SLC12A6: variants seen among roughly 807,000 people sequenced by gnomAD.
SLC12A6 encodes K-Cl cotransporter 3.
In SLC12A6, 66 loss-of-function variants were observed where a neutral mutation model predicts 135.3. The observed-to-expected ratio is 0.49, with a 90% CI of 0.40 to 0.60. SLC12A6 has a LOEUF of 0.60. SLC12A6 is among the 20% of genes least tolerant of loss of function. The pLI is 0.00. For synonymous variants in SLC12A6, 513 were observed against 508.8 expected (o/e 1.01, Z -0.11); for missense variants, 1,058 against 1,452.3 (o/e 0.73, Z 4.41).
At chr15:34,313,607 C>T (rs915612772) in intron 2 of SLC12A6, among the ~76,000 whole-genome samples, 6 of 152,196 alleles carry the variant, frequency 3.9e-5, no homozygotes, top group African/African-American at 1.4e-4. Flanking sequence ...ATGAAGGTGG[C>T]TTCATTAAAC....
chr15:34,304,250 C>T (rs1437072843), intron 2 of SLC12A6, among the ~76,000 whole-genome samples: 3 of 152,058 alleles, frequency 2.0e-5, no homozygotes, highest in African/African-American at 7.2e-5. Flanking sequence ...GGAATCAGTA[C>T]TTTGTTTTTA....
At chr15:34,265,452 A>C (rs1283295760) in intron 3 of SLC12A6, among the ~76,000 whole-genome samples, 1 of 152,098 alleles carries the variant, frequency 6.6e-6, no homozygotes, top group South Asian at 2.1e-4. Flanking sequence ...AAAAAACCCA[A>C]AAAGAATTTC....
At chr15:34,261,443 G>T (rs186143107) in intron 3 of SLC12A6, among the ~76,000 whole-genome samples, 1 of 151,976 alleles carries the variant, frequency 6.6e-6, no homozygotes, top group South Asian at 2.1e-4. Flanking sequence ...GTACAGGCAC[G>T]CACCACCATG....
At chr15:34,272,119 C>A (rs1348563376) in intron 3 of SLC12A6, among the ~76,000 whole-genome samples, 2 of 152,036 alleles carry the variant, frequency 1.3e-5, no homozygotes, top group Non-Finnish European at 2.9e-5. Flanking sequence ...GGACTACAGG[C>A]ACCCGCCACC....
chr15:34,284,430 C>T (rs372333951), intron 2 of SLC12A6, among the ~76,000 whole-genome samples: 67 of 151,860 alleles, frequency 4.4e-4, no homozygotes, highest in African/African-American at 1.6e-3. Flanking sequence ...CCGCCCACCA[C>T]GCCCAGCTAA....
chr15:34,230,072 C>T lies in SLC12A6; in HGVS notation c.*3809G>A, dbSNP rs967137357. 2.4e-6 allele frequency: 1 copy of T among 418,086 alleles called. No homozygotes were observed. Among genetic ancestry groups the T allele is most frequent in the African/African-American group, 2.1e-5 (1 of 48,590 alleles). 25.9% of individuals were successfully genotyped at this position (418,086 alleles called of 1,614,324 possible). A position where few individuals can be genotyped will look rare whatever the true frequency, so the allele number is the denominator to read the frequency against. ...CAACAAAAAAACATAACTATGTAAA[C>T]AAGAGAATAACTGCTGCTAAATCAA... On this transcript the variant is annotated 3_prime_UTR_variant, in exon 26 of 26. Transcript: ENST00000354181.
chr15:34,267,676 T>A (rs541295892), intron 3 of SLC12A6, among the ~76,000 whole-genome samples: 1 of 152,214 alleles, frequency 6.6e-6, no homozygotes, highest in African/African-American at 2.4e-5. Flanking sequence ...TTGTGAGACC[T>A]TGTCTCTACA....
chr15:34,243,950 A>G (rs770285007), intron 16 of SLC12A6, 24 bp downstream of exon 16: 2 of 1,350,220 alleles, frequency 1.5e-6, no homozygotes, highest in Non-Finnish European at 2.1e-6. Flanking sequence ...ACGTGAGTAA[A>G]AAGAATAAAA....
chr15:34,256,884 G>A (rs183121085), intron 6 of SLC12A6, among the ~76,000 whole-genome samples: 266 of 152,276 alleles, frequency 1.7e-3, no homozygotes, highest in African/African-American at 4.3e-3. Flanking sequence ...ATAGATTAGC[G>A]TTGGTAGCTG....
Position 34,252,207 on chromosome 15 carries a change from G to T in SLC12A6, c.1296C>A (p.Ile432=). The T allele has an allele frequency of 6.2e-7, 1 of 1,606,046 alleles. No individual in the cohort carries two copies. Among genetic ancestry groups the T allele is most frequent in the Non-Finnish European group, 8.5e-7 (1 of 1,172,804 alleles). ...EYFVHNNVTS[I]QGIPGLASGI... is the part of the protein sequence containing the mutation. ...CACTAGCCAATCCAGGAATGCCCTGGATTGAAGTGACGTTATTGTGAACAA... is the reference window on the plus strand; with the variant it reads ...CACTAGCCAATCCAGGAATGCCCTGTATTGAAGTGACGTTATTGTGAACAA... The change falls in exon 10 of 26, where the codon ATC becomes ATA. Residue 432 remains isoleucine (I), a synonymous_variant. Coordinates refer to ENST00000354181, the MANE Select transcript of SLC12A6 (RefSeq NM_001365088.1).
chr15:34,247,256 G>A (rs565874941), intron 13 of SLC12A6, among the ~76,000 whole-genome samples: 18 of 152,204 alleles, frequency 1.2e-4, no homozygotes, highest in Admixed American at 9.2e-4. Context: ...GGTGGCTCAC[G>A]GCTGTAATCC....
At chr15:34,251,131 A>C in intron 10 of SLC12A6, 74 bp from the exon 11 acceptor site, 1 of 1,128,410 alleles carries the variant, frequency 8.9e-7, no homozygotes, top group Admixed American at 1.7e-5. Context: ...CTACCCAAAC[A>C]TTCAAAATCA....
intron 1 of SLC12A6, 164 bp from the exon 2 acceptor site, chr15:34,336,916 A>G (rs2141215170): frequency 1.7e-6 from 1 of 574,276 alleles, no homozygotes; most frequent in South Asian, 2.1e-5. Flanking sequence ...GAAAAAAACA[A>G]AAAACAAAAA....
At chr15:34,319,669 C>G (rs1403916510) in intron 2 of SLC12A6, among the ~76,000 whole-genome samples, 4 of 151,728 alleles carry the variant, frequency 2.6e-5, no homozygotes, top group Non-Finnish European at 5.9e-5. Context: ...CGTGGTGGTT[C>G]ATGCCTGTAG....
intron 2 of SLC12A6, among the ~76,000 whole-genome samples, chr15:34,318,077 G>A (rs913815176): frequency 6.6e-6 from 1 of 152,156 alleles, no homozygotes; most frequent in African/African-American, 2.4e-5. Context: ...GTAAACTGAG[G>A]TAAAATACTG....
At chr15:34,268,855 C>T (rs1479679052) in intron 3 of SLC12A6, among the ~76,000 whole-genome samples, 5 of 149,042 alleles carry the variant, frequency 3.4e-5, no homozygotes, top group Middle Eastern at 3.5e-3. Flanking sequence ...TTCTTTTTTT[C>T]TTTCTTTCTT....
At position 34,233,959 on chromosome 15, in the gene SLC12A6, T is replaced by G. The variant is rs556517856; in HGVS notation, c.3375A>C (p.Leu1125=). 28 of 1,591,366 alleles carry G rather than the reference T, an allele frequency of 1.8e-5. No homozygotes were observed. The highest frequency in any genetic ancestry group is 1.6e-4 in the African/African-American group (12 of 74,582). Reference sequence around the variant, plus strand: ...GCTCTAGTCCCTCGGTAAGCACCTCTAGGAACTCCATGTCTTCAAAACTTG... The same window carrying G: ...GCTCTAGTCCCTCGGTAAGCACCTCGAGGAACTCCATGTCTTCAAAACTTG... ...PEGDENYMEF[L]EVLTEGLERV... The change falls in exon 26 of 26, where the codon CTA becomes CTC. Residue 1125 remains leucine, a synonymous_variant. Transcript: ENST00000354181.
At chr15:34,236,411 T>C (rs1370712366) in intron 23 of SLC12A6, among the ~76,000 whole-genome samples, 1 of 152,064 alleles carries the variant, frequency 6.6e-6, no homozygotes. Flanking sequence ...AGTGGCGTGA[T>C]CTTGGCTCAC....
At chr15:34,270,831 C>CA (rs60975779) in intron 3 of SLC12A6, among the ~76,000 whole-genome samples, 4,144 of 118,756 alleles carry the variant, frequency 0.035, 159 homozygotes, top group African/African-American at 0.11. Context: ...AAACAAAAAA[C>CA]AAAAAAAAAA....
Sources: gnomAD v4.1 joint callset for allele counts (sites outside exome capture counted in the v4.1 genomes callset) on GRCh38, gnomAD v4.1.1 for gene constraint, MANE v1.5 for transcripts, NCBI Gene and HGNC (gene_info 2026-07-23, HGNC 2026-07-21) for gene names.